RBFOX1: variants seen among roughly 807,000 people sequenced by gnomAD.
RBFOX1 encodes the protein RNA binding protein fox-1 homolog 1.
RBFOX1 carries 8 observed loss-of-function variants against 57.7 expected under a neutral mutation model. The observed-to-expected ratio is 0.14, with a 90% CI of 0.08 to 0.25. RBFOX1 has a LOEUF of 0.25. Ranked by LOEUF, RBFOX1 falls within the 10% of genes least tolerant of loss-of-function variation. RBFOX1 has a pLI of 1.00. For synonymous variants in RBFOX1, 326 were observed against 222.4 expected (o/e 1.47, Z -4.15); for missense variants, 611 against 548.5 (o/e 1.11, Z -1.14).
rs12927156 is a variant in RBFOX1, at chr16:5,568,948, C to G, written c.259-29954C>G. Among the ~76,000 whole-genome samples the G allele has an allele frequency of 2.0e-3, 299 of 152,146 alleles. 5 individuals are homozygous for G. The highest frequency in any genetic ancestry group is 3.7e-4 in the Non-Finnish European group (25 of 68,014). Reference sequence around the variant, plus strand: ...CTCCGCCCGCTGGGTTCAAGTGATTCTCCTGCCTCAGCCTCCTGAGTAGCT... The same window carrying G: ...CTCCGCCCGCTGGGTTCAAGTGATTGTCCTGCCTCAGCCTCCTGAGTAGCT... On this transcript the variant is annotated intron_variant, in intron 2 of 2. Transcript: ENST00000585867.
At chr16:7,089,802 G>T (rs765361548) in intron 4 of RBFOX1, among the ~76,000 whole-genome samples, 1 of 152,022 alleles carries the variant, frequency 6.6e-6, no homozygotes, top group Non-Finnish European at 1.5e-5. Context: ...GCATTTTAGG[G>T]CTACATGGCT....
chr16:6,988,731 AT>A lies in RBFOX1; in HGVS notation c.-15-63315del, dbSNP rs111959126. 8.8e-3 allele frequency among the ~76,000 whole-genome samples: 804 copies of A among 91,288 alleles called. 14 individuals carry two copies. The highest frequency in any genetic ancestry group is 0.016 in the South Asian group (36 of 2,292). 59.9% of individuals were successfully genotyped at this position (91,288 alleles called of 152,430 possible). On this transcript the variant is annotated intron_variant, in intron 3 of 15. Coordinates refer to ENST00000550418, the MANE Select transcript of RBFOX1 (RefSeq NM_018723.4). Reference sequence around the variant, plus strand: ...AGGTGTGTGACATCACACCCAGCTAATTTTTTTTTTTGTTTGTTTGTTTTTT... The same window carrying A: ...AGGTGTGTGACATCACACCCAGCTAATTTTTTTTTTGTTTGTTTGTTTTTT...
intron 3 of RBFOX1, among the ~76,000 whole-genome samples, chr16:5,788,831 T>C (rs2054597099): frequency 6.6e-6 from 1 of 151,894 alleles, no homozygotes; most frequent in African/African-American, 2.4e-5. Context: ...TTAGGAAAAT[T>C]ATAAGTTAAA....
intron 1 of RBFOX1, among the ~76,000 whole-genome samples, chr16:5,349,669 C>A (rs546917357): frequency 6.6e-6 from 1 of 151,742 alleles, no homozygotes; most frequent in Non-Finnish European, 1.5e-5. Context: ...AAAACTGTGT[C>A]TGGGAAGAAA....
chr16:7,379,957 C>T (rs774317924), intron 4 of RBFOX1, among the ~76,000 whole-genome samples: 2 of 152,162 alleles, frequency 1.3e-5, no homozygotes, highest in Non-Finnish European at 2.9e-5. Context: ...TGGGTTCAAG[C>T]ACAATCCTCC....
At chr16:6,355,227 T>A (rs1372197215) in intron 2 of RBFOX1, among the ~76,000 whole-genome samples, 1 of 152,198 alleles carries the variant, frequency 6.6e-6, no homozygotes, top group Non-Finnish European at 1.5e-5. Context: ...GGTGGTTTGC[T>A]GCACTCATCA....
intron 3 of RBFOX1, among the ~76,000 whole-genome samples, chr16:6,878,217 C>G (rs908550539): frequency 1.3e-5 from 2 of 152,158 alleles, no homozygotes; most frequent in East Asian, 1.9e-4. Flanking sequence ...GGCTCATCAA[C>G]AAAGATTCCG....
At chr16:5,767,743 T>C (rs2053837987) in intron 3 of RBFOX1, among the ~76,000 whole-genome samples, 1 of 152,140 alleles carries the variant, frequency 6.6e-6, no homozygotes, top group African/African-American at 2.4e-5. Flanking sequence ...TTGCTGTAAT[T>C]AGATATTTAA....
chr16:5,710,428 C>T (rs1283754257), intron 3 of RBFOX1, among the ~76,000 whole-genome samples: 2 of 152,174 alleles, frequency 1.3e-5, no homozygotes, highest in African/African-American at 2.4e-5. Context: ...AGTTGCGGGC[C>T]TCCAAGAGGA....
intron 4 of RBFOX1, among the ~76,000 whole-genome samples, chr16:5,929,133 C>G (rs1044174712): frequency 6.6e-6 from 1 of 151,702 alleles, no homozygotes; most frequent in Non-Finnish European, 1.5e-5. Context: ...AGAGACATTG[C>G]TTTGGATCCA....
At chr16:7,169,880 T>G (rs776474176) in intron 4 of RBFOX1, among the ~76,000 whole-genome samples, 12 of 151,960 alleles carry the variant, frequency 7.9e-5, no homozygotes, top group Non-Finnish European at 1.5e-5. Flanking sequence ...AGACCTGCCC[T>G]GGCAACGTGG....
At chr16:6,789,715 G>A (rs1179486649) in intron 3 of RBFOX1, among the ~76,000 whole-genome samples, 1 of 151,954 alleles carries the variant, frequency 6.6e-6, no homozygotes, top group Non-Finnish European at 1.5e-5. Flanking sequence ...CCATGTCTTC[G>A]AATTTTCACA....
At chr16:7,575,872 C>T (rs1480811101) in intron 5 of RBFOX1, among the ~76,000 whole-genome samples, 1 of 152,172 alleles carries the variant, frequency 6.6e-6, no homozygotes, top group Non-Finnish European at 1.5e-5. Flanking sequence ...GGTAGCTGCT[C>T]TGTCATCTCC....
At chr16:7,233,567 C>G (rs763715906) in intron 4 of RBFOX1, among the ~76,000 whole-genome samples, 6 of 152,118 alleles carry the variant, frequency 3.9e-5, no homozygotes, top group African/African-American at 1.4e-4. Flanking sequence ...GTCTATTTTG[C>G]TCTAATGTGT....
intron 4 of RBFOX1, among the ~76,000 whole-genome samples, chr16:7,411,594 T>A (rs2098425714): frequency 2.0e-5 from 3 of 152,102 alleles, no homozygotes; most frequent in South Asian, 2.1e-4. Flanking sequence ...TATCTGACTG[T>A]CAAGGTGATC....
At chr16:5,621,226 C>G (rs55743318) in intron 3 of RBFOX1, among the ~76,000 whole-genome samples, 73,691 of 152,052 alleles carry the variant, frequency 0.48, 22,419 homozygotes, top group Non-Finnish European at 0.68. Flanking sequence ...ATCTTCCCAC[C>G]TCAACCTCCC....
chr16:5,504,908 A>G (rs2043326434), intron 2 of RBFOX1, among the ~76,000 whole-genome samples: 1 of 152,170 alleles, frequency 6.6e-6, no homozygotes, highest in Admixed American at 6.5e-5. Flanking sequence ...ATCTGTAGAG[A>G]CAGACAGTGA....
chr16:7,653,795 T>TCG lies in RBFOX1; in HGVS notation c.758-19_758-18insGC, dbSNP rs772354139. 8.1e-6 allele frequency: 13 copies of TCG among 1,607,462 alleles called. No individual in the cohort carries two copies. The highest frequency in any genetic ancestry group is 1.0e-5 in the Non-Finnish European group (12 of 1,179,434). On this transcript the variant is annotated intron_variant, in intron 11 of 15. Transcript: ENST00000550418. Reference sequence around the variant, plus strand: ...TCTGACAGCCTGTGCTCTCTCTCTCTCTCTCCTCTTGCCCCGCAGTGCCAG... The same window carrying TCG: ...TCTGACAGCCTGTGCTCTCTCTCTCTCGCTCTCCTCTTGCCCCGCAGTGCCAG...
At chr16:5,429,696 C>G (rs981652339) in intron 1 of RBFOX1, among the ~76,000 whole-genome samples, 3 of 152,182 alleles carry the variant, frequency 2.0e-5, no homozygotes, top group Non-Finnish European at 4.4e-5. Context: ...GCCATTATCC[C>G]TCCTTCAAAA....
Sources: allele counts gnomAD v4.1 joint callset (sites outside exome capture counted in the v4.1 genomes callset), GRCh38; gene constraint gnomAD v4.1.1; transcripts MANE v1.5; gene names NCBI Gene and HGNC (gene_info 2026-07-23, HGNC 2026-07-21).